Variants in NRXN3 observed in about 807,000 individuals in gnomAD.
The protein encoded by NRXN3 is neurexin 3.
NRXN3 carries 32 observed loss-of-function variants against 137.6 expected under a neutral mutation model. The observed-to-expected ratio is 0.23, with a 90% confidence interval of 0.18 to 0.31. NRXN3 has a LOEUF of 0.31. NRXN3 is among the 10% of genes least tolerant of loss of function. The pLI is 1.00. For missense variants in NRXN3, 1,574 were observed against 2,062.5 expected (o/e 0.76, Z 4.59); for synonymous variants, 798 against 784.5 (o/e 1.02, Z -0.29).
At chr14:78,424,464 T>A (rs1285242436) in intron 4 of NRXN3, among the ~76,000 whole-genome samples, 1 of 152,218 alleles carries the variant, frequency 6.6e-6, no homozygotes, top group Non-Finnish European at 1.5e-5. Flanking sequence ...GCAAAATATT[T>A]AAGTTCCTGT....
intron 4 of NRXN3, among the ~76,000 whole-genome samples, chr14:78,316,652 G>A (rs2078742907): frequency 2.0e-5 from 3 of 152,126 alleles, no homozygotes; most frequent in African/African-American, 7.2e-5. Flanking sequence ...TTATTTATTT[G>A]ATATGTCAGT....
chr14:78,235,893 G>C (rs772662827), intron 1 of NRXN3, among the ~76,000 whole-genome samples: 28 of 152,198 alleles, frequency 1.8e-4, no homozygotes, highest in Non-Finnish European at 3.2e-4. Flanking sequence ...AGGGTATAGA[G>C]TGGGCTCAAA....
chr14:78,300,174 T>C (rs1475402514), intron 4 of NRXN3, among the ~76,000 whole-genome samples: 4 of 152,266 alleles, frequency 2.6e-5, no homozygotes, highest in African/African-American at 7.2e-5. Flanking sequence ...TGTGGAAATA[T>C]GTATGTATGT....
chr14:78,835,883 T>C (rs896820518), intron 10 of NRXN3, among the ~76,000 whole-genome samples: 2 of 152,096 alleles, frequency 1.3e-5, no homozygotes, highest in Non-Finnish European at 2.9e-5. Context: ...AAGGTGATCC[T>C]CTCTTAGAAA....
chr14:79,563,363 C>T (rs2097519376), intron 16 of NRXN3, among the ~76,000 whole-genome samples: 1 of 151,916 alleles, frequency 6.6e-6, no homozygotes, highest in Non-Finnish European at 1.5e-5. Flanking sequence ...TGCCCTAAGG[C>T]CTGGCAGCTT....
At chr14:79,602,417 C>T (rs1277110765) in intron 16 of NRXN3, among the ~76,000 whole-genome samples, 5 of 152,216 alleles carry the variant, frequency 3.3e-5, no homozygotes, top group Non-Finnish European at 7.3e-5. Context: ...ACTCTTTCTT[C>T]TCGGCTACAA....
chr14:78,437,406 T>A (rs2153693067), intron 4 of NRXN3, among the ~76,000 whole-genome samples: 1 of 152,074 alleles, frequency 6.6e-6, no homozygotes, highest in East Asian at 1.9e-4. Flanking sequence ...TGGAGTGCAG[T>A]GGCATGATCT....
chr14:79,616,408 C>T (rs558416863), intron 16 of NRXN3, among the ~76,000 whole-genome samples: 1 of 152,196 alleles, frequency 6.6e-6, no homozygotes, highest in African/African-American at 2.4e-5. Context: ...CTTTCCCTAT[C>T]TCCAGTCTCA....
chr14:78,522,733 T>C (rs2096303042), intron 4 of NRXN3, among the ~76,000 whole-genome samples: 1 of 152,204 alleles, frequency 6.6e-6, no homozygotes, highest in Non-Finnish European at 1.5e-5. Flanking sequence ...TTTAATGTTT[T>C]CAAGCTGATT....
intron 4 of NRXN3, among the ~76,000 whole-genome samples, chr14:78,310,260 C>CTTTT (rs201314931): frequency 2.5e-4 from 32 of 125,702 alleles, no homozygotes; most frequent in African/African-American, 9.4e-4. Flanking sequence ...TTATGAATGG[C>CTTTT]TTTTTTTTTT....
intron 15 of NRXN3, among the ~76,000 whole-genome samples, chr14:79,241,288 A>G (rs1206290610): frequency 1.3e-5 from 2 of 152,148 alleles, no homozygotes; most frequent in Non-Finnish European, 2.9e-5. Flanking sequence ...AAAGAGAATC[A>G]TGGCCAAGGT....
chr14:79,502,134 A>T (rs2096831970), intron 16 of NRXN3, among the ~76,000 whole-genome samples: 1 of 152,202 alleles, frequency 6.6e-6, no homozygotes, highest in South Asian at 2.1e-4. Flanking sequence ...GTCTGGCATG[A>T]TCATCACAAA....
intron 15 of NRXN3, among the ~76,000 whole-genome samples, chr14:79,454,898 A>G (rs1442777423): frequency 2.6e-5 from 4 of 152,186 alleles, no homozygotes; most frequent in African/African-American, 4.8e-5. Flanking sequence ...ACTACTTTTC[A>G]TGTTTCTGAA....
At chr14:78,392,201 A>C (rs997246873) in intron 4 of NRXN3, among the ~76,000 whole-genome samples, 1 of 152,218 alleles carries the variant, frequency 6.6e-6, no homozygotes, top group African/African-American at 2.4e-5. Context: ...CAAATACGTC[A>C]AGATATGCAA....
chr14:78,911,640 C>T (rs890641489), intron 10 of NRXN3, among the ~76,000 whole-genome samples: 2 of 152,088 alleles, frequency 1.3e-5, no homozygotes, highest in Admixed American at 6.6e-5. Context: ...TTTTACCAAA[C>T]CTATTTTGCT....
rs549225089 is a variant in NRXN3, at chr14:79,118,896, G to A, written c.3262+130755G>A. The stretch of plus-strand genomic sequence containing the variant: ...AGTCAACTTTTTAAAAAAATGCAGT[G>A]CTAAGAGAGACACGACAAAATTGAG... On this transcript the variant is annotated intron_variant, in intron 15 of 20. Coordinates refer to ENST00000335750, the MANE Select transcript of NRXN3 (RefSeq NM_001330195.2). Among the ~76,000 whole-genome samples the A allele has an allele frequency of 2.6e-5, 4 of 152,240 alleles. No homozygotes were observed. The South Asian group carries it at 8.3e-4, about 32-fold the overall frequency.
At chr14:78,482,370 G>A (rs544664456) in intron 4 of NRXN3, among the ~76,000 whole-genome samples, 1 of 152,182 alleles carries the variant, frequency 6.6e-6, no homozygotes, top group South Asian at 2.1e-4. Context: ...TATACCCAGG[G>A]CTATCCTGTC....
In NRXN3 at chr14:79,522,370, T is replaced by C. The variant is rs141604904; in HGVS notation, c.3444+54968T>C. 4.1e-3 allele frequency among the ~76,000 whole-genome samples: 623 copies of C among 152,280 alleles called. 2 individuals are homozygous for C. Among genetic ancestry groups the C allele is most frequent in the Non-Finnish European group, 6.5e-3 (439 of 68,006 alleles). The stretch of plus-strand genomic sequence containing the variant: ...GGTGCACAGGGGTATATGAGCTTTC[T>C]CTTCCAAGGAGCCTTTGAGTCCTCA... On this transcript the variant is annotated intron_variant, in intron 16 of 20. Coordinates refer to ENST00000335750, the MANE Select transcript of NRXN3 (RefSeq NM_001330195.2).
intron 15 of NRXN3, among the ~76,000 whole-genome samples, chr14:79,131,721 T>C (rs1051280832): frequency 4.6e-5 from 7 of 152,206 alleles, no homozygotes; most frequent in African/African-American, 1.2e-4. Flanking sequence ...TGGAGCTTCC[T>C]GGCTGCTTTG....
Sources: gnomAD v4.1 joint callset for allele counts (sites outside exome capture counted in the v4.1 genomes callset) on GRCh38, gnomAD v4.1.1 for gene constraint, MANE v1.5 for transcripts, NCBI Gene and HGNC (gene_info 2026-07-23, HGNC 2026-07-21) for gene names.